The following CENPP variants were observed in gnomAD, a reference collection of about 807,000 sequenced individuals.
CENPP encodes the protein centromere protein P.
In CENPP, 24 loss-of-function variants were observed where a neutral mutation model predicts 35.6. The ratio of observed to expected loss-of-function variants is 0.67; its 90% CI spans 0.49 to 0.95. The LOEUF is 0.95. Ranked by LOEUF, CENPP falls within the 40% of genes least tolerant of loss-of-function variation. CENPP has a pLI of 0.00. For missense variants in CENPP, 332 were observed against 345.3 expected, an observed-to-expected ratio of 0.96 and a Z score of 0.31; for synonymous variants, 120 against 125.5, an observed-to-expected ratio of 0.96 and a Z score of 0.29.
chr9:92,552,684 A>G (rs1849641272), intron 5 of CENPP, among the ~76,000 whole-genome samples: 2 of 151,716 alleles, frequency 1.3e-5, no homozygotes, highest in African/African-American at 4.8e-5. Flanking sequence ...CCACTTTTTG[A>G]TAGGATTGTT....
intron 5 of CENPP, among the ~76,000 whole-genome samples, chr9:92,606,261 T>G (rs72754491): frequency 0.04 from 6,029 of 151,972 alleles, 183 homozygotes; most frequent in South Asian, 0.11. Context: ...GATTCTGTCT[T>G]AAAAAAATAA....
chr9:92,388,750 C>G (rs1307108195), intron 5 of CENPP, among the ~76,000 whole-genome samples: 1 of 147,628 alleles, frequency 6.8e-6, no homozygotes, highest in Non-Finnish European at 1.5e-5. Flanking sequence ...GAGAATTGCT[C>G]AAACCTGGGA....
chr9:92,450,261 A>T (rs1188122781), intron 5 of CENPP, among the ~76,000 whole-genome samples: 3 of 110,524 alleles, frequency 2.7e-5, no homozygotes, highest in Admixed American at 1.2e-4. Context: ...CGACCCCACG[A>T]CAGTCCCCAG....
intron 5 of CENPP, among the ~76,000 whole-genome samples, chr9:92,452,283 A>C (rs2131024039): frequency 6.6e-6 from 1 of 152,058 alleles, no homozygotes; most frequent in South Asian, 2.1e-4. Flanking sequence ...ATCAATACCT[A>C]ATTTATTGAG....
chr9:92,336,219 A>G (rs969151850), intron 2 of CENPP, among the ~76,000 whole-genome samples: 4 of 152,316 alleles, frequency 2.6e-5, no homozygotes, highest in African/African-American at 9.6e-5. Flanking sequence ...TGGCAGGAAA[A>G]CTATGAAAGT....
rs1175908233 is a variant in CENPP at position 92,476,922 on chromosome 9, C to T, written c.564+97063C>T. 6.6e-6 allele frequency among the ~76,000 whole-genome samples: 1 copy of T among 152,170 alleles called. No individual in the cohort carries two copies. The highest frequency in any genetic ancestry group is 1.5e-5 in the Non-Finnish European group (1 of 68,028). On this transcript the variant is annotated intron_variant, in intron 5 of 7. Coordinates refer to ENST00000375587, the MANE Select transcript of CENPP (RefSeq NM_001012267.3). This position sits in a 1 kb window ranked among gnomAD's most constrained non-coding sequence, Gnocchi z 4.1. Reference sequence around the variant, plus strand: ...GAAATCTCGTGGCTTCATGGGCATACTCTGTCATTTTTTCTTATCTAACCA... The same window carrying T: ...GAAATCTCGTGGCTTCATGGGCATATTCTGTCATTTTTTCTTATCTAACCA...
chr9:92,419,821 A>G (rs1385045085), intron 5 of CENPP, among the ~76,000 whole-genome samples: 3 of 152,206 alleles, frequency 2.0e-5, no homozygotes. Flanking sequence ...AAATCATTGC[A>G]TATAATGAAA....
intron 5 of CENPP, among the ~76,000 whole-genome samples, chr9:92,479,010 A>G (rs769677499): frequency 2.6e-5 from 4 of 152,120 alleles, no homozygotes; most frequent in Non-Finnish European, 5.9e-5. Context: ...ACACCACGTA[A>G]TGGTTTCCCA....
At chr9:92,505,278 A>C (rs7864630) in intron 5 of CENPP, among the ~76,000 whole-genome samples, 68,099 of 151,884 alleles carry the variant, frequency 0.45, 17,535 homozygotes, top group African/African-American at 0.7. Context: ...TTCTCAATTC[A>C]TTTCTCCCAT....
intron 5 of CENPP, among the ~76,000 whole-genome samples, chr9:92,486,811 T>G (rs545858580): frequency 1.9e-3 from 283 of 151,880 alleles, no homozygotes; most frequent in African/African-American, 6.7e-3. Flanking sequence ...AGACGGAGTC[T>G]TGCTCTGTCA....
intron 5 of CENPP, chr9:92,393,000 A>G: frequency 9.6e-7 from 1 of 1,038,520 alleles, no homozygotes; most frequent in South Asian, 1.8e-5. Flanking sequence ...TGAATGTGAT[A>G]GGCAGCAACT....
intron 5 of CENPP, among the ~76,000 whole-genome samples, chr9:92,580,328 G>C (rs991420315): frequency 3.9e-5 from 6 of 152,152 alleles, no homozygotes; most frequent in African/African-American, 1.4e-4. Context: ...AAAAGAGTTA[G>C]GGAGGATTCC....
intron 5 of CENPP, chr9:92,457,146 A>G (rs1263876154): frequency 1.4e-6 from 2 of 1,408,982 alleles, no homozygotes; most frequent in Non-Finnish European, 1.8e-6. Flanking sequence ...ATTTCTTGTC[A>G]TAAAATAAGT....
chr9:92,337,168 A>G (rs898357343), intron 2 of CENPP, among the ~76,000 whole-genome samples: 1 of 152,138 alleles, frequency 6.6e-6, no homozygotes, highest in African/African-American at 2.4e-5. Flanking sequence ...AAATACAAAA[A>G]TTAGCCAGGC....
intron 4 of CENPP, among the ~76,000 whole-genome samples, chr9:92,374,079 C>T (rs1328109472): frequency 7.2e-6 from 1 of 138,612 alleles, no homozygotes; most frequent in African/African-American, 2.7e-5. Flanking sequence ...CCCCCAGTTG[C>T]TGGATTGCTA....
chr9:92,347,026 A>G (rs1841312635), intron 4 of CENPP, among the ~76,000 whole-genome samples: 1 of 152,192 alleles, frequency 6.6e-6, no homozygotes, highest in Admixed American at 6.5e-5. Flanking sequence ...TGGGAGATAT[A>G]GAACACTGGA....
At chr9:92,511,426 GTT>G (rs35306473) in intron 5 of CENPP, among the ~76,000 whole-genome samples, 54,280 of 144,542 alleles carry the variant, frequency 0.38, 12,131 homozygotes, top group African/African-American at 0.64. Flanking sequence ...TGCCTGGCCT[GTT>G]TTTTTTTTTT....
chr9:92,377,537 G>A (rs930422135), intron 4 of CENPP, among the ~76,000 whole-genome samples: 1 of 152,102 alleles, frequency 6.6e-6, no homozygotes, highest in East Asian at 1.9e-4. Flanking sequence ...ACTACAAAAC[G>A]CTCTTAGCCT....
In CENPP at chr9:92,404,593, C is replaced by T. The variant is rs375718621; in HGVS notation, c.564+24734C>T. On this transcript the variant is annotated intron_variant, in intron 5 of 7. Transcript: ENST00000375587. ...GGAGGGTGAATGAGAAAAGCTATGT[C>T]TTGATTTCAAACTGCTGAGTAAAAT... The T allele has an allele frequency of 1.2e-5, 16 of 1,291,494 alleles. No individual in the cohort carries two copies. The African/African-American group carries it at 2.0e-4, about 16-fold the overall frequency. 80.0% of individuals were successfully genotyped at this position (1,291,494 alleles called of 1,614,324 possible). A position where few individuals can be genotyped will look rare whatever the true frequency, so the allele number is the denominator to read the frequency against.
Sources: allele counts gnomAD v4.1 joint callset (sites outside exome capture counted in the v4.1 genomes callset), GRCh38; gene constraint gnomAD v4.1.1; non-coding constraint Gnocchi (gnomAD v3.1); transcripts MANE v1.5; gene names NCBI Gene and HGNC (gene_info 2026-07-23, HGNC 2026-07-21).